Variants in MAP2 observed in about 807,000 individuals in gnomAD.
MAP2 encodes the protein microtubule associated protein 2.
Under a neutral mutation model 137.6 loss-of-function variants are expected in MAP2, and 14 were observed. That is an observed-to-expected ratio of 0.10 (90% CI 0.07 to 0.16). The LOEUF is 0.16. MAP2 is among the 10% of genes least tolerant of loss of function. The probability of loss-of-function intolerance (pLI) is 1.00; values close to 1 mark genes in which losing one functional copy is unlikely to be tolerated. For synonymous variants in MAP2, 786 were observed against 782.3 expected, an observed-to-expected ratio of 1.00 and a Z score of -0.08; for missense variants, 2,088 against 2,191.5, an observed-to-expected ratio of 0.95 and a Z score of 0.94.
chr2:209,620,001 C>T (rs1374431406), intron 3 of MAP2, among the ~76,000 whole-genome samples: 2 of 152,098 alleles, frequency 1.3e-5, no homozygotes, highest in Non-Finnish European at 2.9e-5. Flanking sequence ...TGCTGTAATC[C>T]TGAAGGCTGT....
intron 5 of MAP2, among the ~76,000 whole-genome samples, chr2:209,672,449 G>C (rs912800036): frequency 2.6e-5 from 4 of 151,732 alleles, no homozygotes; most frequent in African/African-American, 9.7e-5. Context: ...ATAAGCACTT[G>C]ATTTATATTA....
rs2064889794 is a variant in MAP2, at chr2:209,709,921, G to A, written c.4740G>A (p.Glu1580=). Residue 1580 remains glutamate, a synonymous_variant, in exon 13 of 16, where the codon GAG becomes GAA. Coordinates refer to ENST00000682079, the MANE Select transcript of MAP2 (RefSeq NM_001375505.1). ...TCTTGCTTGTTAATACAGGGTCAGA[G>A]CCAATTCGCAGAGCAGGGAAGAGTG... ...SSSARRTTRS[E]PIRRAGKSGT... is the part of the protein sequence containing the mutation. The A allele has an allele frequency of 1.2e-6, 2 of 1,612,608 alleles. No individual in the cohort carries two copies. The highest frequency in any genetic ancestry group is 2.2e-5 in the East Asian group (1 of 44,858).
intron 2 of MAP2, among the ~76,000 whole-genome samples, chr2:209,577,527 T>A (rs111590740): frequency 0.011 from 1,655 of 152,278 alleles, 31 homozygotes; most frequent in African/African-American, 0.037. Flanking sequence ...CTAGCCACAT[T>A]TACTGAGTAG....
chr2:209,462,499 C>T (rs1343855618), intron 1 of MAP2, among the ~76,000 whole-genome samples: 2 of 152,148 alleles, frequency 1.3e-5, no homozygotes, highest in Non-Finnish European at 2.9e-5. Flanking sequence ...GGCATGTACA[C>T]TACTTTGTAT....
At chr2:209,501,750 T>G (rs933734819) in intron 1 of MAP2, among the ~76,000 whole-genome samples, 15 of 152,124 alleles carry the variant, frequency 9.9e-5, no homozygotes, top group South Asian at 4.1e-4. Context: ...ATCTTCACAA[T>G]TCTGCACCTA....
chr2:209,659,442 T>G (rs962571198), intron 5 of MAP2, among the ~76,000 whole-genome samples: 1 of 152,196 alleles, frequency 6.6e-6, no homozygotes, highest in African/African-American at 2.4e-5. Context: ...TCTCTTGCCC[T>G]ACAGACCAGT....
At chr2:209,633,155 C>T (rs891185486) in intron 4 of MAP2, among the ~76,000 whole-genome samples, 1 of 152,082 alleles carries the variant, frequency 6.6e-6, no homozygotes, top group East Asian at 1.9e-4. Context: ...TTGTATGCCA[C>T]GTTTCTCTCA....
chr2:209,720,992 A>G (rs1381172165), intron 13 of MAP2, among the ~76,000 whole-genome samples: 2 of 151,884 alleles, frequency 1.3e-5, no homozygotes, highest in Non-Finnish European at 2.9e-5. Context: ...CCTTCACAGC[A>G]GCCACAAATT....
At chr2:209,584,614 T>G (rs2077260129) in intron 3 of MAP2, among the ~76,000 whole-genome samples, 1 of 152,112 alleles carries the variant, frequency 6.6e-6, no homozygotes, top group Non-Finnish European at 1.5e-5. Flanking sequence ...GTTTTCAGAT[T>G]ATTTGTTTTA....
At chr2:209,579,272 TGCGTGC>T (rs1417243638) in intron 2 of MAP2, 14 of 86,388 alleles carry the variant, frequency 1.6e-4, no homozygotes, top group South Asian at 3.5e-4. Flanking sequence ...TGTGTGTGCG[TGCGTGC>T]GTGCGTGTGT....
At chr2:209,563,974 A>T (rs370328058) in intron 2 of MAP2, among the ~76,000 whole-genome samples, 1 of 152,296 alleles carries the variant, frequency 6.6e-6, no homozygotes, top group African/African-American at 2.4e-5. Context: ...TATTTAAAGC[A>T]TATGTTATAA....
At chr2:209,525,005 A>C (rs1448393055) in intron 2 of MAP2, among the ~76,000 whole-genome samples, 2 of 152,142 alleles carry the variant, frequency 1.3e-5, no homozygotes, top group Admixed American at 6.6e-5. Flanking sequence ...AAGGAAATTC[A>C]AATCTTGAGA....
At chr2:209,651,281 C>T (rs539848788) in intron 4 of MAP2, among the ~76,000 whole-genome samples, 1 of 152,214 alleles carries the variant, frequency 6.6e-6, no homozygotes, top group African/African-American at 2.4e-5. Flanking sequence ...ATTAGGCTAC[C>T]ATGTCTGGTA....
At chr2:209,703,768 C>T (rs2062472367) in intron 11 of MAP2, among the ~76,000 whole-genome samples, 1 of 152,024 alleles carries the variant, frequency 6.6e-6, no homozygotes, top group African/African-American at 2.4e-5. Flanking sequence ...TTCTTCTGTC[C>T]TTCTATCTAT....
At position 209,723,541 on chromosome 2, in the gene MAP2, A is replaced by G. The variant is rs576120339; in HGVS notation, c.5074-2168A>G. The stretch of plus-strand genomic sequence containing the variant: ...GATGCTACCCATTCTGGTTCCCTTT[A>G]TCCAGCATCTTGATAGAAAAATGCA... On this transcript the variant is annotated intron_variant, in intron 13 of 15. Transcript: ENST00000682079. The G allele has an allele frequency of 5.8e-5, 59 of 1,018,078 alleles. No homozygotes were observed. The Middle Eastern group carries it at 1.2e-3, about 21-fold the overall frequency. 63.1% of individuals were successfully genotyped at this position (1,018,078 alleles called of 1,614,324 possible).
At chr2:209,507,556 T>C (rs2061230001) in intron 1 of MAP2, 36 bp from the exon 2 acceptor site, 1 of 152,138 alleles carries the variant, frequency 6.6e-6, no homozygotes. Context: ...GTTCAACTGA[T>C]TTAACTTACT....
At chr2:209,512,090 A>C (rs928042344) in intron 2 of MAP2, among the ~76,000 whole-genome samples, 1 of 151,990 alleles carries the variant, frequency 6.6e-6, no homozygotes, top group African/African-American at 2.4e-5. Context: ...AAGCCCTCTG[A>C]TTTTATTATC....
At chr2:209,564,358 G>A (rs1238294864) in intron 2 of MAP2, among the ~76,000 whole-genome samples, 3 of 152,014 alleles carry the variant, frequency 2.0e-5, no homozygotes, top group African/African-American at 7.3e-5. Flanking sequence ...TACATCTGGT[G>A]AGGAAATAAT....
At chr2:209,549,595 A>G (rs977489278) in intron 2 of MAP2, among the ~76,000 whole-genome samples, 3 of 152,108 alleles carry the variant, frequency 2.0e-5, no homozygotes, top group Non-Finnish European at 4.4e-5. Context: ...TATTCTTTCA[A>G]CCTTTACAGA....
Sources: allele counts gnomAD v4.1 joint callset (sites outside exome capture counted in the v4.1 genomes callset), GRCh38; gene constraint gnomAD v4.1.1; transcripts MANE v1.5; gene names NCBI Gene and HGNC (gene_info 2026-07-23, HGNC 2026-07-21).